The following DDX1 variants were observed in gnomAD, a reference collection of about 807,000 sequenced individuals.
DDX1 encodes the protein ATP-dependent RNA helicase DDX1.
A neutral mutation model predicts 108.7 loss-of-function variants in DDX1; 28 were observed. The observed-to-expected ratio is 0.26, with a 90% CI of 0.19 to 0.35. DDX1 has a LOEUF of 0.35. Ranked by LOEUF, DDX1 falls within the 10% of genes least tolerant of loss-of-function variation. The pLI, the probability that DDX1 is intolerant of heterozygous loss-of-function variation, is 1.00. For synonymous variants in DDX1, 295 were observed against 288.9 expected (o/e 1.02, Z -0.21); for missense variants, 710 against 884.5 (o/e 0.80, Z 2.50).
In DDX1 at chr2:15,602,420, A is replaced by G. The variant is rs953948180; in HGVS notation, c.308-128A>G. ...ATCAGTAAGTCTCAGTCTCTGGAAC[A>G]TTGCAACAAATGAAGGAATTATCTT... On this transcript the variant is annotated intron_variant, in intron 6 of 25. Coordinates refer to ENST00000233084, the MANE Select transcript of DDX1 (RefSeq NM_004939.3). The G allele has an allele frequency of 1.4e-5, 9 of 661,644 alleles. No individual in the cohort carries two copies. The East Asian group carries it at 2.2e-4, about 16-fold the overall frequency. The allele number at this position is 661,644 out of a possible 1,614,324, so 41.0% of individuals were successfully genotyped here.
intron 19 of DDX1, among the ~76,000 whole-genome samples, 193 bp downstream of exon 19, chr2:15,623,775 G>T (rs942006812): frequency 3.9e-5 from 6 of 152,152 alleles, no homozygotes; most frequent in African/African-American, 1.4e-4. Flanking sequence ...TTCCACGTAG[G>T]TACATTTTCA....
chr2:15,612,127 C>T (rs1456872208), intron 13 of DDX1, among the ~76,000 whole-genome samples: 29 of 146,786 alleles, frequency 2.0e-4, no homozygotes, highest in African/African-American at 5.8e-4. Context: ...GGCGGCTGGC[C>T]GGGCGGGGGG....
intron 20 of DDX1, among the ~76,000 whole-genome samples, chr2:15,627,989 A>G (rs1448659805): frequency 6.6e-6 from 1 of 152,128 alleles, no homozygotes; most frequent in Non-Finnish European, 1.5e-5. Context: ...GGTGAGCACC[A>G]GGGGCCTACC....
intron 13 of DDX1, among the ~76,000 whole-genome samples, chr2:15,611,110 C>T (rs1345451563): frequency 1.3e-5 from 2 of 149,870 alleles, no homozygotes; most frequent in Non-Finnish European, 3.0e-5. Context: ...TGCCTTCAAG[C>T]ATCTGTTTAA....
intron 13 of DDX1, among the ~76,000 whole-genome samples, chr2:15,609,750 A>G (rs992564544): frequency 3.4e-5 from 3 of 89,450 alleles, no homozygotes; most frequent in African/African-American, 2.2e-4. Context: ...GTATTGTTGG[A>G]AAAAAAAATG....
chr2:15,601,757 G>A (rs1034520279), intron 6 of DDX1, among the ~76,000 whole-genome samples: 1 of 152,236 alleles, frequency 6.6e-6, no homozygotes, highest in African/African-American at 2.4e-5. Flanking sequence ...TCTGAAAAGT[G>A]TAGGAAGATG....
chr2:15,620,147 T>G, intron 16 of DDX1, 61 bp from the exon 17 acceptor site: 1 of 1,427,346 alleles, frequency 7.0e-7, no homozygotes, highest in Non-Finnish European at 9.8e-7. Context: ...TATCAGTGTT[T>G]GTGTGATTTA....
At chr2:15,626,609 T>A (rs552301632) in intron 19 of DDX1, among the ~76,000 whole-genome samples, 2 of 152,268 alleles carry the variant, frequency 1.3e-5, no homozygotes, top group African/African-American at 4.8e-5. Context: ...GATAACTATG[T>A]TGCTTAAAAT....
chr2:15,596,194 TAAAAG>T (rs1478274324), intron 3 of DDX1, among the ~76,000 whole-genome samples: 1 of 152,160 alleles, frequency 6.6e-6, no homozygotes, highest in South Asian at 2.1e-4. Context: ...CAAGGGAAGA[TAAAAG>T]AGAAATGCTT....
In DDX1 at chr2:15,604,454, T is replaced by C. The variant is rs909758200; in HGVS notation, c.570T>C (p.Asp190=). 1.9e-6 allele frequency: 3 copies of C among 1,610,386 alleles called. No individual in the cohort carries two copies. Among genetic ancestry groups the C allele is most frequent in the East Asian group, 4.5e-5 (2 of 44,836 alleles). The part of the protein sequence containing the change: ...DNYGEEFTMH[D]TIGCYLDIDK... ...TGTTCTAGGAATTCACTATGCATGA[T>C]ACCATTGGATGTTACCTGGATATAG... The change falls in exon 10 of 26, where the codon GAT becomes GAC. Residue 190 remains aspartate, a synonymous_variant. Transcript: ENST00000233084.
In DDX1 at chr2:15,607,260, A is replaced by G; in HGVS notation, c.903A>G (p.Gln301=). 6.2e-7 allele frequency: 1 copy of G among 1,613,264 alleles called. No individual in the cohort carries two copies. Among genetic ancestry groups the G allele is most frequent in the Admixed American group, 1.7e-5 (1 of 60,018 alleles). ...IVEPSRELAE[Q]TLNNIKQFKK... ...AACCTTCCCGGGAGTTAGCTGAACA[A>G]ACTTTGAACAACATCAAGCAGTTTA... The change falls in exon 13 of 26, where the codon CAA becomes CAG. Residue 301 remains glutamine, a synonymous_variant. Transcript: ENST00000233084.
intron 15 of DDX1, among the ~76,000 whole-genome samples, chr2:15,617,602 G>T (rs966639103): frequency 6.6e-6 from 1 of 152,130 alleles, no homozygotes; most frequent in African/African-American, 2.4e-5. Flanking sequence ...ATTTATAAAT[G>T]CTGTCTAGTG....
Position 15,591,939 on chromosome 2 carries a change from G to T in DDX1, c.6G>T (p.Ala2=), listed in dbSNP as rs1370569212. The change falls in exon 1 of 26, where the codon GCG becomes GCT. Residue 2 remains alanine, a synonymous_variant. Transcript: ENST00000233084. ...CCGCGGAGGACGGGGTGAAGATGGC[G>T]GCCTTCTCCGGTGCGTTTGTGGAAA... M[A]AFSEMGVMPE... 6.9e-7 allele frequency: 1 copy of T among 1,441,194 alleles called. No homozygotes were observed. The highest frequency in any genetic ancestry group is 2.9e-5 in the Admixed American group (1 of 34,558). 89.3% of individuals were successfully genotyped at this position (1,441,194 alleles called of 1,614,324 possible).
At chr2:15,627,195 A>G (rs377548398) in intron 20 of DDX1, 50 bp downstream of exon 20, 8 of 1,073,272 alleles carry the variant, frequency 7.5e-6, no homozygotes, top group East Asian at 2.4e-5. Context: ...GGGGCATTAT[A>G]TCTAGTTTTA....
At chr2:15,612,702 T>G (rs1274018049) in intron 13 of DDX1, among the ~76,000 whole-genome samples, 1 of 152,138 alleles carries the variant, frequency 6.6e-6, no homozygotes, top group African/African-American at 2.4e-5. Flanking sequence ...GCCACTGCAC[T>G]CCAGCCTGGG....
intron 18 of DDX1, 61 bp downstream of exon 18, chr2:15,621,177 T>A (rs1008975489): frequency 1.7e-6 from 2 of 1,189,618 alleles, no homozygotes; most frequent in African/African-American, 3.0e-5. Flanking sequence ...ACCTTACCTA[T>A]TCTCATGAAG....
Position 15,617,264 on chromosome 2 carries a change from T to C in DDX1, c.1038T>C (p.Thr346=), listed in dbSNP as rs771005616. The change falls in exon 15 of 26, where the codon ACT becomes ACC. Residue 346 remains threonine, a synonymous_variant. Coordinates refer to ENST00000233084, the MANE Select transcript of DDX1 (RefSeq NM_004939.3). The part of the protein sequence containing the change: ...LENGVDIVVG[T]PGRLDDLVST... The stretch of plus-strand genomic sequence containing the variant: ...TTCAGGTAGATATAGTTGTAGGTAC[T>C]CCGGGAAGACTAGATGACTTGGTGT... 2.5e-6 allele frequency: 4 copies of C among 1,590,380 alleles called. No homozygotes were observed. The highest frequency in any genetic ancestry group is 3.4e-6 in the Non-Finnish European group (4 of 1,165,634).
Position 15,595,472 on chromosome 2 carries a change from C to T in DDX1, c.69-18C>T. The T allele has an allele frequency of 6.2e-7, 1 of 1,600,216 alleles. No individual in the cohort carries two copies. The highest frequency in any genetic ancestry group is 8.6e-7 in the Non-Finnish European group (1 of 1,168,542). ...TTTTTCCCCAGTAACTAAAATTCTTCAAATATGATTCTTTTAGCCTCCCAA... is the reference window on the plus strand; with the variant it reads ...TTTTTCCCCAGTAACTAAAATTCTTTAAATATGATTCTTTTAGCCTCCCAA... On this transcript the variant is annotated intron_variant, in intron 2 of 25. Transcript: ENST00000233084.
rs186686895 is a variant in DDX1 at position 15,594,408 on chromosome 2, A to G, written c.17-737A>G. Among the ~76,000 whole-genome samples the G allele has an allele frequency of 1.2e-3, 179 of 152,308 alleles. No individual in the cohort carries two copies. The Middle Eastern group carries it at 0.037, about 32-fold the overall frequency. On this transcript the variant is annotated intron_variant, in intron 1 of 25. Transcript: ENST00000233084. ...TTTAAGTAATCCAACTAACTACTCC[A>G]TATATAATTACCCTCTACAGTTCAT...
Sources: gnomAD v4.1 joint callset for allele counts (sites outside exome capture counted in the v4.1 genomes callset) on GRCh38, gnomAD v4.1.1 for gene constraint, MANE v1.5 for transcripts, NCBI Gene and HGNC (gene_info 2026-07-23, HGNC 2026-07-21) for gene names.